CDH1: variants seen among roughly 807,000 people sequenced by gnomAD.
The protein encoded by CDH1 is cadherin 1.
Under a neutral mutation model 84.5 loss-of-function variants are expected in CDH1, and 35 were observed. The observed-to-expected ratio is 0.41, with a 90% CI of 0.32 to 0.55. The LOEUF (loss-of-function observed/expected upper bound fraction) is 0.55. Among genes scored for constraint, CDH1 ranks in the 20% least tolerant of loss-of-function variants. The probability of loss-of-function intolerance (pLI) is 0.19; values close to 1 mark genes in which losing one functional copy is unlikely to be tolerated. For synonymous variants in CDH1, 417 were observed against 439.0 expected, an observed-to-expected ratio of 0.95 and a Z score of 0.63; for missense variants, 994 against 1,126.6, an observed-to-expected ratio of 0.88 and a Z score of 1.68.
chr16:68,795,212 T>C (rs1298107441), intron 2 of CDH1, among the ~76,000 whole-genome samples: 1 of 152,204 alleles, frequency 6.6e-6, no homozygotes, highest in African/African-American at 2.4e-5. Flanking sequence ...GGAGATCTTA[T>C]AGGCAGCAGT....
intron 2 of CDH1, among the ~76,000 whole-genome samples, chr16:68,787,987 C>G (rs9931853): frequency 0.28 from 42,119 of 151,756 alleles, 6,004 homozygotes; most frequent in Middle Eastern, 0.33. Context: ...CACCACGCCC[C>G]GCTAATTTTT....
In CDH1 at chr16:68,834,272, C is replaced by T. The variant is rs1265219702; in HGVS notation, c.*773C>T. The T allele has an allele frequency of 3.9e-6, 2 of 512,094 alleles. No individual in the cohort carries two copies. Among genetic ancestry groups the T allele is most frequent in the Non-Finnish European group, 7.7e-6 (2 of 261,058 alleles). The allele number at this position is 512,094 out of a possible 1,614,324, so 31.7% of individuals were successfully genotyped here. On this transcript the variant is annotated 3_prime_UTR_variant, in exon 16 of 16. Coordinates refer to ENST00000261769, the MANE Select transcript of CDH1 (RefSeq NM_004360.5). ...CCTGCCCAGCTCCCCAACTCCCTGC[C>T]ATTTTTTAAGAGACAGTTTCGCTCC...
At chr16:68,772,083 C>T (rs1355243005) in intron 2 of CDH1, among the ~76,000 whole-genome samples, 3 of 152,212 alleles carry the variant, frequency 2.0e-5, no homozygotes, top group African/African-American at 7.2e-5. Context: ...CTTGGGTCGT[C>T]TGACCTCTGA....
At chr16:68,793,696 A>G (rs1960273125) in intron 2 of CDH1, among the ~76,000 whole-genome samples, 1 of 152,220 alleles carries the variant, frequency 6.6e-6, no homozygotes, top group Non-Finnish European at 1.5e-5. Context: ...GTTTAGGACC[A>G]GCCTGACCAA....
In CDH1 at chr16:68,810,197, C is replaced by A. The variant is rs1960779010; in HGVS notation, c.688C>A (p.Leu230Ile). 1 of 1,614,050 alleles carries A rather than the reference C, an allele frequency of 6.2e-7. No individual in the cohort carries two copies. The highest frequency in any genetic ancestry group is 1.7e-5 in the Admixed American group (1 of 59,996). The change falls in exon 6 of 16, where the codon CTC becomes ATC. Residue 230 changes from leucine (L) to isoleucine (I), a missense_variant and splice_region_variant. Leu to Ile is a conservative substitution (Grantham distance 5). This residue lies in a region of CDH1 where 769 missense variants were observed against 881.8 expected (regional missense o/e 0.87). Transcript: ENST00000261769. Reference protein sequence around the residue: ...LDRERIATYTLFSHAVSSNGN... With the variant: ...LDRERIATYTIFSHAVSSNGN... Reference sequence around the variant, plus strand: ...AGTCACCCTCACTTGGTTCTTTCAGCTCTTCTCTCACGCTGTGTCATCCAA... The same window carrying A: ...AGTCACCCTCACTTGGTTCTTTCAGATCTTCTCTCACGCTGTGTCATCCAA...
intron 11 of CDH1, among the ~76,000 whole-genome samples, chr16:68,821,210 C>A (rs549059072): frequency 6.6e-6 from 1 of 151,974 alleles, no homozygotes; most frequent in Non-Finnish European, 1.5e-5. Flanking sequence ...CAGTGGCTCA[C>A]GCCTATAATC....
intron 2 of CDH1, among the ~76,000 whole-genome samples, chr16:68,743,303 CTTT>C: frequency 1.3e-4 from 2 of 14,908 alleles, no homozygotes; most frequent in African/African-American, 2.9e-4. Context: ...TTCTTTCTTT[CTTT>C]CTTTCTTTCT....
chr16:68,783,626 T>C (rs990271378), intron 2 of CDH1, among the ~76,000 whole-genome samples: 7 of 152,130 alleles, frequency 4.6e-5, no homozygotes, highest in Admixed American at 1.3e-4. Flanking sequence ...TCCCATATTA[T>C]TACATATACA....
chr16:68,745,236 C>T (rs892930136), intron 2 of CDH1, among the ~76,000 whole-genome samples: 33 of 151,386 alleles, frequency 2.2e-4, no homozygotes, highest in Non-Finnish European at 1.5e-4. Flanking sequence ...AATCCCAGTG[C>T]TTTGGGAGGC....
rs577115775 is a variant in CDH1, at chr16:68,764,362, C to T, written c.163+25951C>T. Among the ~76,000 whole-genome samples, 109 of 152,202 alleles carry T rather than the reference C, an allele frequency of 7.2e-4. 1 individual carries two copies. Among genetic ancestry groups the T allele is most frequent in the African/African-American group, 2.5e-3 (102 of 41,542 alleles). On this transcript the variant is annotated intron_variant, in intron 2 of 15. Coordinates refer to ENST00000261769, the MANE Select transcript of CDH1 (RefSeq NM_004360.5). Reference sequence around the variant, plus strand: ...GAGGCCAAGGCGGGTGGATCACCTGCGGTCAGGAGTTTGAGACCAGCCTGG... The same window carrying T: ...GAGGCCAAGGCGGGTGGATCACCTGTGGTCAGGAGTTTGAGACCAGCCTGG...
At chr16:68,792,001 A>C (rs1330269663) in intron 2 of CDH1, among the ~76,000 whole-genome samples, 1 of 151,166 alleles carries the variant, frequency 6.6e-6, no homozygotes, top group Non-Finnish European at 1.5e-5. Context: ...GCTCACTGCA[A>C]CCTCCACCTC....
chr16:68,790,927 G>A (rs558652729), intron 2 of CDH1, among the ~76,000 whole-genome samples: 18 of 152,270 alleles, frequency 1.2e-4, no homozygotes, highest in Non-Finnish European at 2.5e-4. Context: ...GAGAGGCCTG[G>A]AAAGAAAAAT....
intron 2 of CDH1, among the ~76,000 whole-genome samples, chr16:68,751,039 C>A (rs1453439227): frequency 6.6e-6 from 1 of 152,164 alleles, no homozygotes; most frequent in Non-Finnish European, 1.5e-5. Context: ...ATGTCTTCAC[C>A]TTCATTGTCG....
At chr16:68,743,348 TTTCTTTCTTTC>T (rs1474301310) in intron 2 of CDH1, among the ~76,000 whole-genome samples, 9,023 of 60,190 alleles carry the variant, frequency 0.15, 1,339 homozygotes, top group Non-Finnish European at 0.16. Flanking sequence ...TCTTTCTTTC[TTTCTTTCTTTC>T]TTTCTTTTCT....
rs1596960625 is a variant in CDH1, at chr16:68,819,390, G to A, written c.1676G>A (p.Ser559Asn). The part of the protein sequence containing the change: ...DREDFEHVKN[S>N]TYTALIIATD... Reference sequence around the variant, plus strand: ...GAGGATTTTGAGCACGTGAAGAACAGCACGTACACAGCCCTAATCATAGCT... The same window carrying A: ...GAGGATTTTGAGCACGTGAAGAACAACACGTACACAGCCCTAATCATAGCT... The change falls in exon 11 of 16, where the codon AGC (serine) becomes AAC (asparagine). Residue 559 changes from serine (S) to asparagine (N), a missense_variant. Coordinates refer to ENST00000261769, the MANE Select transcript of CDH1 (RefSeq NM_004360.5). 1 of 1,613,930 alleles carries A rather than the reference G, an allele frequency of 6.2e-7. No homozygotes were observed. The highest frequency in any genetic ancestry group is 1.7e-4 in the Middle Eastern group (1 of 5,834).
intron 2 of CDH1, among the ~76,000 whole-genome samples, chr16:68,758,777 C>T (rs181242449): frequency 7.5e-4 from 113 of 151,466 alleles, no homozygotes; most frequent in African/African-American, 2.2e-3. Context: ...AAGAATAAGA[C>T]GCTCCTTTGA....
At chr16:68,813,739 G>T (rs545164931) in intron 9 of CDH1, among the ~76,000 whole-genome samples, 1 of 152,160 alleles carries the variant, frequency 6.6e-6, no homozygotes, top group East Asian at 1.9e-4. Flanking sequence ...GAGGCAGGCA[G>T]ATCACGAGGT....
At position 68,810,311 on chromosome 16, in the gene CDH1, A is replaced by G. The variant is rs2152131157; in HGVS notation, c.802A>G (p.Lys268Glu). Residue 268 changes from lysine (K) to glutamate (E), a missense_variant, in exon 6 of 16, where the codon AAG (lysine) becomes GAG (glutamate). Lys to Glu is a moderately conservative substitution (Grantham distance 56, BLOSUM62 1). Around this residue, in one of 3 missense-constraint regions of CDH1, gnomAD observed 769 missense variants for 881.8 expected, o/e 0.87. Transcript: ENST00000261769. ...GCCCGAATTCACCCAGGAGGTCTTT[A>G]AGGGGTCTGTCATGGAAGGTGCTCT... ...NKPEFTQEVFKGSVMEGALPG... is the reference protein window; with the variant it reads ...NKPEFTQEVFEGSVMEGALPG... 1 of 1,614,088 alleles carries G rather than the reference A, an allele frequency of 6.2e-7. No individual in the cohort carries two copies. Among genetic ancestry groups the G allele is most frequent in the Non-Finnish European group, 8.5e-7 (1 of 1,179,940 alleles).
Position 68,833,515 on chromosome 16 carries a change from C to T in CDH1, c.*16C>T, listed in dbSNP as rs769544370. 2.1e-4 allele frequency: 337 copies of T among 1,603,894 alleles called. No individual in the cohort carries two copies. The highest frequency in any genetic ancestry group is 4.4e-5 in the South Asian group (4 of 90,846). On this transcript the variant is annotated 3_prime_UTR_variant, in exon 16 of 16. Coordinates refer to ENST00000261769, the MANE Select transcript of CDH1 (RefSeq NM_004360.5). ...GGACGACTAGGGGACTCGAGAGAGG[C>T]GGGCCCCAGACCCATGTGCTGGGAA...
Sources: allele counts gnomAD v4.1 joint callset (sites outside exome capture counted in the v4.1 genomes callset), GRCh38; gene constraint gnomAD v4.1.1; regional missense constraint gnomAD v4.1.1; transcripts MANE v1.5; gene names NCBI Gene and HGNC (gene_info 2026-07-23, HGNC 2026-07-21).